Variants in LYRM7 observed in about 807,000 individuals in gnomAD.
LYRM7 encodes the protein complex III assembly factor LYRM7.
A neutral mutation model predicts 15.8 loss-of-function variants in LYRM7; 9 were observed. The ratio of observed to expected loss-of-function variants is 0.57; its 90% CI spans 0.34 to 0.99. The LOEUF is 0.99. LYRM7 is among the 50% of genes least tolerant of loss of function. The probability of loss-of-function intolerance (pLI) is 0.02; values close to 1 mark genes in which losing one functional copy is unlikely to be tolerated. For synonymous variants in LYRM7, 39 were observed against 39.4 expected (o/e 0.99, Z 0.04); for missense variants, 115 against 119.1 (o/e 0.97, Z 0.16).
intron 3 of LYRM7, among the ~76,000 whole-genome samples, chr5:131,184,638 G>GTC (rs1755764491): frequency 8.1e-6 from 1 of 122,768 alleles, no homozygotes; most frequent in East Asian, 2.1e-4. Context: ...AATTTTTTTT[G>GTC]GCGGGGGGGG....
intron 4 of LYRM7, among the ~76,000 whole-genome samples, chr5:131,192,757 C>A (rs982593992): frequency 6.6e-5 from 10 of 152,044 alleles, no homozygotes; most frequent in African/African-American, 2.2e-4. Context: ...TTGTACAAAT[C>A]ATAATTTTTT....
chr5:131,176,519 GGT>G (rs1491322515), intron 1 of LYRM7, among the ~76,000 whole-genome samples: 1 of 124,150 alleles, frequency 8.1e-6, no homozygotes, highest in African/African-American at 5.0e-5. Flanking sequence ...GCCATTTATG[GGT>G]TTTTTTTTTT....
At chr5:131,190,436 C>T (rs1312560358) in intron 4 of LYRM7, among the ~76,000 whole-genome samples, 11 of 150,650 alleles carry the variant, frequency 7.3e-5, no homozygotes, top group South Asian at 2.1e-4. Flanking sequence ...TCTTGTGATC[C>T]GCCTGCCTTG....
At position 131,204,232 on chromosome 5, in the gene LYRM7, GGCCTTTTT is replaced by G. The variant is rs1436323302; in HGVS notation, c.*4633_*4640del. ...CTTGAGCCACCACACCTGACTATAG[GGCCTTTTT>G]GAAAGGAAAATTGACATCATCAAAA... On this transcript the variant is annotated 3_prime_UTR_variant, in exon 5 of 5. Coordinates refer to ENST00000379380, the MANE Select transcript of LYRM7 (RefSeq NM_181705.4). 3 of 150,668 alleles carry G rather than the reference GGCCTTTTT, an allele frequency of 2.0e-5. No individual in the cohort carries two copies. The highest frequency in any genetic ancestry group is 4.4e-5 in the Non-Finnish European group (3 of 67,712). The allele number at this position is 150,668 out of a possible 1,614,324, so 9.3% of individuals were successfully genotyped here. A position where few individuals can be genotyped will look rare whatever the true frequency, so the allele number is the denominator to read the frequency against.
At chr5:131,190,672 G>A (rs1005260662) in intron 4 of LYRM7, among the ~76,000 whole-genome samples, 15 of 151,828 alleles carry the variant, frequency 9.9e-5, no homozygotes, top group African/African-American at 3.1e-4. Flanking sequence ...TGTATTTTTA[G>A]TAGAGACAAG....
rs770133810 is a variant in LYRM7 at position 131,187,038 on chromosome 5, T to C, written c.173T>C (p.Ile58Thr). The C allele has an allele frequency of 6.5e-7, 1 of 1,545,804 alleles. No individual in the cohort carries two copies. The highest frequency in any genetic ancestry group is 2.3e-5 in the East Asian group (1 of 43,018). ...SSKKIEELMKIGSDVELLLRT... is the reference protein window; with the variant it reads ...SSKKIEELMKTGSDVELLLRT... Reference sequence around the variant, plus strand: ...TGGTTTTCTTAACAGCTAATGAAAATAGGTTCTGATGTTGAATTATTACTC... The same window carrying C: ...TGGTTTTCTTAACAGCTAATGAAAACAGGTTCTGATGTTGAATTATTACTC... Residue 58 changes from isoleucine to threonine, a missense_variant, in exon 4 of 5, where the codon ATA (isoleucine) becomes ACA (threonine). Ile to Thr is a moderately conservative substitution (Grantham distance 89, BLOSUM62 -1). Transcript: ENST00000379380.
At chr5:131,187,410 A>G (rs1755814282) in intron 4 of LYRM7, among the ~76,000 whole-genome samples, 1 of 151,790 alleles carries the variant, frequency 6.6e-6, no homozygotes, top group Admixed American at 6.6e-5. Context: ...TTCTGGCATC[A>G]TTTATCACTT....
rs1756092224 is a variant in LYRM7 at position 131,202,599 on chromosome 5, A to G, written c.*2998A>G. 1 of 152,850 alleles carries G rather than the reference A, an allele frequency of 6.5e-6. No homozygotes were observed. Among genetic ancestry groups the G allele is most frequent in the South Asian group, 1.8e-4 (1 of 5,472 alleles). 9.5% of individuals were successfully genotyped at this position (152,850 alleles called of 1,614,324 possible). A position where few individuals can be genotyped will look rare whatever the true frequency, so the allele number is the denominator to read the frequency against. On this transcript the variant is annotated 3_prime_UTR_variant, in exon 5 of 5. Coordinates refer to ENST00000379380, the MANE Select transcript of LYRM7 (RefSeq NM_181705.4). Reference sequence around the variant, plus strand: ...CAGTCATAGCACACTGCAGCCTAGAATTTCTGACCTCAAGCAATCATCCTG... The same window carrying G: ...CAGTCATAGCACACTGCAGCCTAGAGTTTCTGACCTCAAGCAATCATCCTG...
intron 4 of LYRM7, among the ~76,000 whole-genome samples, chr5:131,189,254 T>A (rs1263372382): frequency 6.7e-6 from 1 of 150,294 alleles, no homozygotes; most frequent in East Asian, 2.0e-4. Flanking sequence ...CCATCCTGGC[T>A]AACACAGTGA....
chr5:131,187,761 C>T (rs1034849555), intron 4 of LYRM7, among the ~76,000 whole-genome samples: 4 of 151,756 alleles, frequency 2.6e-5, no homozygotes, highest in African/African-American at 7.3e-5. Flanking sequence ...GCTGGTATTA[C>T]ATGCATGAGC....
chr5:131,177,967 T>A (rs1755627621), intron 1 of LYRM7, among the ~76,000 whole-genome samples: 1 of 152,220 alleles, frequency 6.6e-6, no homozygotes, highest in Admixed American at 6.5e-5. Context: ...TACTTTCACC[T>A]GTTTGATAGC....
In LYRM7 at chr5:131,199,897, A is replaced by G. The variant is rs973492330; in HGVS notation, c.*296A>G. On this transcript the variant is annotated 3_prime_UTR_variant, in exon 5 of 5. Coordinates refer to ENST00000379380, the MANE Select transcript of LYRM7 (RefSeq NM_181705.4). The stretch of plus-strand genomic sequence containing the variant: ...TATTCAATCTTTGACCTTGATGAGT[A>G]TTTGATCTTACCATAGCTATTTGAG... 1.1e-5 allele frequency: 2 copies of G among 188,828 alleles called. No individual in the cohort carries two copies. The highest frequency in any genetic ancestry group is 6.1e-5 in the Admixed American group (1 of 16,432). 11.7% of individuals were successfully genotyped at this position (188,828 alleles called of 1,614,324 possible). A position where few individuals can be genotyped will look rare whatever the true frequency, so the allele number is the denominator to read the frequency against.
chr5:131,190,709 T>C (rs185486610), intron 4 of LYRM7, among the ~76,000 whole-genome samples: 504 of 152,206 alleles, frequency 3.3e-3, no homozygotes, highest in African/African-American at 1.0e-2. Flanking sequence ...CAGGCTGGTC[T>C]GGAACTCCTG....
At chr5:131,190,561 G>A (rs1365426484) in intron 4 of LYRM7, among the ~76,000 whole-genome samples, 12 of 145,056 alleles carry the variant, frequency 8.3e-5, no homozygotes, top group East Asian at 4.1e-4. Context: ...CATGATTTCC[G>A]CTCACTGCAA....
intron 4 of LYRM7, among the ~76,000 whole-genome samples, chr5:131,196,707 G>T (rs549910110): frequency 6.6e-6 from 1 of 150,632 alleles, no homozygotes; most frequent in African/African-American, 2.4e-5. Context: ...TAGCTCTGTC[G>T]CCCAGGCTGA....
chr5:131,171,037 A>AG lies in LYRM7; in HGVS notation c.18+1dup. On this transcript the variant is annotated frameshift_variant and splice_region_variant, in exon 1 of 5. Coordinates refer to ENST00000379380, the MANE Select transcript of LYRM7 (RefSeq NM_181705.4). LOFTEE classifies it high-confidence loss of function. ...AGGAGAGCCATGGGACGGGCAGTCA[A>AG]GGTGACAGGGCCCGGGAAGGGGTGG... 6.5e-7 allele frequency: 1 copy of AG among 1,531,922 alleles called. No individual in the cohort carries two copies. Among genetic ancestry groups the AG allele is most frequent in the Non-Finnish European group, 8.7e-7 (1 of 1,149,420 alleles). 94.9% of individuals were successfully genotyped at this position (1,531,922 alleles called of 1,614,324 possible). A position where few individuals can be genotyped will look rare whatever the true frequency, so the allele number is the denominator to read the frequency against.
intron 4 of LYRM7, among the ~76,000 whole-genome samples, chr5:131,190,315 C>T (rs1171804156): frequency 6.6e-6 from 1 of 152,034 alleles, no homozygotes; most frequent in Non-Finnish European, 1.5e-5. Flanking sequence ...CCTGCCTCAG[C>T]CTCCTGGGTA....
intron 4 of LYRM7, among the ~76,000 whole-genome samples, chr5:131,199,198 T>C (rs1756018560): frequency 1.3e-5 from 2 of 152,200 alleles, no homozygotes; most frequent in Non-Finnish European, 1.5e-5. Context: ...ATAAGCAAAA[T>C]TTCCAGTTGT....
At chr5:131,176,662 C>G (rs1755607653) in intron 1 of LYRM7, among the ~76,000 whole-genome samples, 1 of 151,854 alleles carries the variant, frequency 6.6e-6, no homozygotes, top group African/African-American at 2.4e-5. Context: ...TTCTAGTGAA[C>G]CCATCACCCA....
Sources: allele counts gnomAD v4.1 joint callset (sites outside exome capture counted in the v4.1 genomes callset), GRCh38; gene constraint gnomAD v4.1.1; transcripts MANE v1.5; gene names NCBI Gene and HGNC (gene_info 2026-07-23, HGNC 2026-07-21).